The following CAST variants were observed in gnomAD, a reference collection of about 807,000 sequenced individuals.
CAST encodes the protein MIR583 host.
In CAST, 76 loss-of-function variants were observed where a neutral mutation model predicts 119.6. The ratio of observed to expected loss-of-function variants is 0.64; its 90% CI spans 0.53 to 0.77. The LOEUF is 0.77. Ranked by LOEUF, CAST falls within the 30% of genes least tolerant of loss-of-function variation. The pLI, the probability that CAST is intolerant of heterozygous loss-of-function variation, is 0.00. For missense variants in CAST, 953 were observed against 946.5 expected (o/e 1.01, Z -0.09); for synonymous variants, 319 against 331.6 (o/e 0.96, Z 0.41).
At chr5:96,042,294 C>T in the CAST span, among the ~76,000 whole-genome samples, 1 of 152,146 alleles carries the variant, frequency 6.6e-6, no homozygotes, top group Non-Finnish European at 1.5e-5. Flanking sequence ...TTTTGAGGGT[C>T]TTAAGTCAGT....
chr5:96,519,620 T>G, the CAST span, among the ~76,000 whole-genome samples: 1 of 152,202 alleles, frequency 6.6e-6, no homozygotes. Flanking sequence ...TTACTTTTTT[T>G]CTTCAAGATG....
chr5:96,669,476 A>C (rs17398914), intron 1 of CAST, among the ~76,000 whole-genome samples: 6,328 of 152,288 alleles, frequency 0.042, 176 homozygotes, highest in Middle Eastern at 0.092. Context: ...CATCTAGGAA[A>C]AAAAGGATAT....
rs1327740373 is a variant in CAST, at chr5:96,768,115, ACTC to A, written c.2268+117_2268+119del. 2.5e-5 allele frequency: 19 copies of A among 749,782 alleles called. No individual in the cohort carries two copies. The East Asian group carries it at 4.8e-4, about 19-fold the overall frequency. The allele number at this position is 749,782 out of a possible 1,614,324, so 46.4% of individuals were successfully genotyped here. Reference sequence around the variant, plus strand: ...TCGGTCTGTCTTGTAACAGGGTCTTACTCTATAGCCCAGGCTGGAGTGCAGTGG... The same window carrying A: ...TCGGTCTGTCTTGTAACAGGGTCTTATATAGCCCAGGCTGGAGTGCAGTGG... On this transcript the variant is annotated intron_variant, in intron 29 of 31. Coordinates refer to ENST00000675179, the MANE Select transcript of CAST (RefSeq NM_001750.7).
intron 1 of CAST, among the ~76,000 whole-genome samples, chr5:96,563,148 ACT>A (rs1235043747): frequency 6.6e-6 from 1 of 152,010 alleles, no homozygotes; most frequent in African/African-American, 2.4e-5. Context: ...ATTAGATCAT[ACT>A]CTTTTTGCCC....
At chr5:96,249,722 A>C in the CAST span, among the ~76,000 whole-genome samples, 2 of 152,172 alleles carry the variant, frequency 1.3e-5, no homozygotes. Context: ...CAGGGACACA[A>C]TCAATATTCA....
intron 19 of CAST, among the ~76,000 whole-genome samples, chr5:96,750,248 G>A (rs1309053693): frequency 6.6e-6 from 1 of 152,080 alleles, no homozygotes; most frequent in Non-Finnish European, 1.5e-5. Context: ...GTGTTCCCAG[G>A]TACTATGCAT....
intron 31 of CAST, chr5:96,772,236 AT>A (rs1480893098): frequency 6.5e-6 from 1 of 153,702 alleles, no homozygotes; most frequent in Non-Finnish European, 1.5e-5. Context: ...CTAATTTATA[AT>A]TGCTGAAGAA....
chr5:96,502,089 A>G, the CAST span, among the ~76,000 whole-genome samples: 1 of 151,436 alleles, frequency 6.6e-6, no homozygotes, highest in Non-Finnish European at 1.5e-5. Context: ...TTTGAAAAAA[A>G]CACAATTGGC....
chr5:96,745,742 T>G lies in CAST; in HGVS notation c.1201-600T>G, dbSNP rs552878776. 2.0e-5 allele frequency among the ~76,000 whole-genome samples: 3 copies of G among 152,326 alleles called. No individual in the cohort carries two copies. In the South Asian group the frequency reaches 6.2e-4, roughly 32 times the overall value. On this transcript the variant is annotated intron_variant, in intron 16 of 31. Coordinates refer to ENST00000675179, the MANE Select transcript of CAST (RefSeq NM_001750.7). ...TTCATGGTTCAGTAAGCTAGAGAAG[T>G]CCTGGCATTATTGAAGAGAGTCCTT...
chr5:96,005,608 G>T, the CAST span, among the ~76,000 whole-genome samples: 1 of 152,104 alleles, frequency 6.6e-6, no homozygotes, highest in Non-Finnish European at 1.5e-5. Flanking sequence ...AGTACTATTT[G>T]ATTATATTAT....
intron 1 of CAST, among the ~76,000 whole-genome samples, chr5:96,608,790 G>A (rs950217101): frequency 4.6e-5 from 7 of 152,184 alleles, no homozygotes; most frequent in Admixed American, 2.6e-4. Flanking sequence ...ATAGTGGAAT[G>A]TGAAGAGGAA....
chr5:96,561,796 G>T (rs155215), intron 1 of CAST, among the ~76,000 whole-genome samples: 27,816 of 92,804 alleles, frequency 0.3, 5,462 homozygotes, highest in Middle Eastern at 0.39. Flanking sequence ...GTTTTTTTTT[G>T]TTTTTTTTTT....
chr5:96,558,616 G>T (rs1376589401), intron 1 of CAST, among the ~76,000 whole-genome samples: 2 of 152,128 alleles, frequency 1.3e-5, no homozygotes, highest in African/African-American at 4.8e-5. Context: ...AGAAGAAATG[G>T]ATAAATTCCT....
intron 2 of CAST, chr5:96,679,458 G>C (rs549139400): frequency 6.6e-6 from 1 of 152,224 alleles, no homozygotes; most frequent in East Asian, 1.9e-4. Flanking sequence ...TTCCAAACCT[G>C]CAATCAAATC....
the CAST span, chr5:96,433,244 T>TGAGTGGAGCCCCAGCCC: frequency 1.6e-6 from 1 of 614,294 alleles, no homozygotes; most frequent in Non-Finnish European, 2.9e-6. Flanking sequence ...GTCTCCAGGC[T>TGAGTGGAGCCCCAGCCC]GAGTGGAGCC....
At chr5:96,368,271 G>C in the CAST span, among the ~76,000 whole-genome samples, 1 of 151,848 alleles carries the variant, frequency 6.6e-6, no homozygotes, top group Non-Finnish European at 1.5e-5. Flanking sequence ...TGGCCAATGC[G>C]GGTGGATCAC....
the CAST span, among the ~76,000 whole-genome samples, chr5:96,192,009 A>C: frequency 4.5e-3 from 684 of 152,348 alleles, 5 homozygotes; most frequent in African/African-American, 0.015. Flanking sequence ...AAAAATGGGA[A>C]AGTGGGTAAA....
the CAST span, among the ~76,000 whole-genome samples, chr5:96,421,704 T>C: frequency 6.6e-6 from 1 of 152,114 alleles, no homozygotes; most frequent in African/African-American, 2.4e-5. Context: ...CCAAAGGGAA[T>C]ATAAAAATAG....
the CAST span, among the ~76,000 whole-genome samples, chr5:96,022,425 AT>A: frequency 6.6e-5 from 10 of 152,350 alleles, 1 homozygote; most frequent in Middle Eastern, 3.4e-3. Context: ...AAGTAAAAAA[AT>A]ATTATAGTAA....
Sources: allele counts gnomAD v4.1 joint callset (sites outside exome capture counted in the v4.1 genomes callset), GRCh38; gene constraint gnomAD v4.1.1; transcripts MANE v1.5; gene names NCBI Gene and HGNC (gene_info 2026-07-23, HGNC 2026-07-21).